Variants in ZNF469 observed in about 807,000 individuals in gnomAD.
The protein encoded by ZNF469 is zinc finger protein 469.
Under a neutral mutation model 1.0 loss-of-function variants are expected in ZNF469, and 1 was observed. The ratio of observed to expected loss-of-function variants is 1.00; its 90% CI spans 0.35 to 4.73. The LOEUF (loss-of-function observed/expected upper bound fraction) is 4.73. Ranked by LOEUF, ZNF469 falls within the 30% of genes most tolerant of loss-of-function variation. The pLI, the probability that ZNF469 is intolerant of heterozygous loss-of-function variation, is 0.16. For missense variants in ZNF469, 6,100 were observed against 5,356.3 expected (o/e 1.14, Z -4.33); for synonymous variants, 2,703 against 2,363.4 (o/e 1.14, Z -4.17).
chr16:88,310,453 T>C, the ZNF469 span, among the ~76,000 whole-genome samples: 1 of 152,156 alleles, frequency 6.6e-6, no homozygotes, highest in Admixed American at 6.5e-5. Context: ...CTGCCCCTTC[T>C]TCCCGGTGGA....
chr16:88,129,434 G>A, the ZNF469 span, among the ~76,000 whole-genome samples: 27,605 of 151,834 alleles, frequency 0.18, 3,123 homozygotes, highest in African/African-American at 0.32. Flanking sequence ...TGCACATACC[G>A]TTTTTTTTGC....
In ZNF469 at chr16:88,428,974, A is replaced by C. The variant is rs1374031199; in HGVS notation, c.1504A>C (p.Ser502Arg). The change falls in exon 3 of 3, where the codon AGC (serine) becomes CGC (arginine). Residue 502 changes from serine (S) to arginine (R), a missense_variant. Transcript: ENST00000565624. ...AAGTCCCCACGGAATGGAGATGCTGAGCCGGCTGCCTTTCCCCGCGGGGGG... is the reference window on the plus strand; with the variant it reads ...AAGTCCCCACGGAATGGAGATGCTGCGCCGGCTGCCTTTCCCCGCGGGGGG... ...RPSPHGMEMLSRLPFPAGGPE... is the reference protein window; with the variant it reads ...RPSPHGMEMLRRLPFPAGGPE... 14 of 1,548,664 alleles carry C rather than the reference A, an allele frequency of 9.0e-6. 1 individual carries two copies. The highest frequency in any genetic ancestry group is 1.7e-4 in the Middle Eastern group (1 of 5,984).
At chr16:88,391,655 G>A (rs961155008) in intron 1 of ZNF469, among the ~76,000 whole-genome samples, 3 of 152,226 alleles carry the variant, frequency 2.0e-5, no homozygotes, top group East Asian at 1.9e-4. Context: ...GACAGGAGGC[G>A]GCGGGGAGCA....
At chr16:88,193,232 GGAT>G in the ZNF469 span, among the ~76,000 whole-genome samples, 2 of 25,432 alleles carry the variant, frequency 7.9e-5, no homozygotes, top group South Asian at 1.3e-3. Context: ...GTGGTGGTGG[GGAT>G]GGTGGTGGTG....
rs184888820 is a variant in ZNF469 at position 88,392,633 on chromosome 16, C to T, written c.-192+9379C>T. 3.1e-3 allele frequency among the ~76,000 whole-genome samples: 479 copies of T among 152,268 alleles called. 2 individuals carry two copies. The highest frequency in any genetic ancestry group is 0.011 in the African/African-American group (459 of 41,542). On this transcript the variant is annotated intron_variant, in intron 1 of 2. Coordinates refer to ENST00000565624, the MANE Select transcript of ZNF469 (RefSeq NM_001367624.2). ...TGATTTTTATGTTGAGCTTTCAGAC[C>T]CTTGTAAAGCCTCATCTCTTTGTCC...
Position 88,423,183 on chromosome 16 carries a change from G to A in ZNF469, c.-191-1624G>A, listed in dbSNP as rs9936278. Among the ~76,000 whole-genome samples the A allele has an allele frequency of 2.6e-3, 28 of 10,934 alleles. 1 individual carries two copies. Among genetic ancestry groups the A allele is most frequent in the South Asian group, 0.011 (1 of 90 alleles). 7.2% of individuals were successfully genotyped at this position (10,934 alleles called of 152,430 possible). A position where few individuals can be genotyped will look rare whatever the true frequency, so the allele number is the denominator to read the frequency against. ...GGATGGATGGGTGGGTGATGGATGGGTGGGTGGATGGATGGATGGGTGGGT... is the reference window on the plus strand; with the variant it reads ...GGATGGATGGGTGGGTGATGGATGGATGGGTGGATGGATGGATGGGTGGGT... On this transcript the variant is annotated intron_variant, in intron 1 of 2. Transcript: ENST00000565624.
Position 88,435,246 on chromosome 16 carries a change from C to T in ZNF469, c.7776C>T (p.Pro2592=), listed in dbSNP as rs1418203508. Residue 2592 remains proline (P), a synonymous_variant, in exon 3 of 3, where the codon CCC becomes CCT. Transcript: ENST00000565624. ...ATGTGAAGACTCCGGCCTCCAAGCC[C>T]AGACCAGACCAGGCCAGGGAAGATG... ...EVDVKTPASK[P]RPDQAREDEL... is the part of the protein sequence containing the mutation. The T allele has an allele frequency of 6.5e-7, 1 of 1,550,376 alleles. No homozygotes were observed. Among genetic ancestry groups the T allele is most frequent in the East Asian group, 2.4e-5 (1 of 40,928 alleles).
At chr16:88,273,960 T>C in the ZNF469 span, among the ~76,000 whole-genome samples, 10 of 152,334 alleles carry the variant, frequency 6.6e-5, no homozygotes, top group East Asian at 1.9e-3. Flanking sequence ...CCTGCCACCA[T>C]GCTCGGCTAA....
the ZNF469 span, among the ~76,000 whole-genome samples, chr16:88,185,872 A>ATATGCACACACACACT: frequency 3.0e-4 from 46 of 151,936 alleles, no homozygotes; most frequent in Non-Finnish European, 5.7e-4. Context: ...TGAATATAGT[A>ATATGCACACACACACT]TATGCACACA....
chr16:88,399,711 C>CA (rs1904799679), intron 1 of ZNF469, among the ~76,000 whole-genome samples: 1 of 152,264 alleles, frequency 6.6e-6, no homozygotes, highest in Non-Finnish European at 1.5e-5. Flanking sequence ...GAGCTGCCCC[C>CA]AGCCTCACTC....
chr16:88,377,096 G>A, the ZNF469 span, among the ~76,000 whole-genome samples: 2 of 152,226 alleles, frequency 1.3e-5, no homozygotes, highest in Non-Finnish European at 2.9e-5. Flanking sequence ...GATGGGACTC[G>A]ACCCAGAGCC....
chr16:88,312,525 A>G, the ZNF469 span, among the ~76,000 whole-genome samples: 1 of 152,196 alleles, frequency 6.6e-6, no homozygotes, highest in Non-Finnish European at 1.5e-5. Flanking sequence ...GTTGGCTTTA[A>G]GACCCTTATT....
chr16:88,251,536 G>GTGTTTTTTTTTTT, the ZNF469 span, among the ~76,000 whole-genome samples: 212 of 78,786 alleles, frequency 2.7e-3, 38 homozygotes, highest in Middle Eastern at 8.1e-3. Context: ...TGTCCCTGCT[G>GTGTTTTTTTTTTT]TCTTTTTTTT....
intron 1 of ZNF469, among the ~76,000 whole-genome samples, chr16:88,395,353 A>G (rs1904629043): frequency 1.3e-5 from 2 of 150,280 alleles, no homozygotes; most frequent in Admixed American, 6.6e-5. Flanking sequence ...GGGTGGATGG[A>G]TGGATGGATG....
the ZNF469 span, chr16:88,302,272 A>G: frequency 9.9e-5 from 15 of 152,216 alleles, no homozygotes; most frequent in African/African-American, 3.6e-4. Context: ...TTATGAAACA[A>G]TTCCACACAA....
rs575336882 is a variant in ZNF469 at position 88,433,592 on chromosome 16, G to A, written c.6122G>A (p.Gly2041Glu). 6.5e-7 allele frequency: 1 copy of A among 1,550,336 alleles called. No individual in the cohort carries two copies. The highest frequency in any genetic ancestry group is 8.7e-7 in the Non-Finnish European group (1 of 1,146,930). The change falls in exon 3 of 3, where the codon GGA (glycine) becomes GAA (glutamate). Residue 2041 changes from glycine to glutamate, a missense_variant. Coordinates refer to ENST00000565624, the MANE Select transcript of ZNF469 (RefSeq NM_001367624.2). ...GCAGTCCTGCTAGAGAAATGCAAGG[G>A]AAGCAGGGCAGCCATGAGCCTTCAG... is the stretch of plus-strand genomic sequence containing the variant. ...EGAVLLEKCK[G>E]SRAAMSLQEE...
chr16:88,122,108 T>A, the ZNF469 span, among the ~76,000 whole-genome samples: 1 of 142,990 alleles, frequency 7.0e-6, no homozygotes, highest in Non-Finnish European at 1.6e-5. Flanking sequence ...CGGATCACAC[T>A]CTGTCACTCA....
At chr16:88,391,036 G>T (rs1405279461) in intron 1 of ZNF469, among the ~76,000 whole-genome samples, 1 of 152,254 alleles carries the variant, frequency 6.6e-6, no homozygotes, top group Admixed American at 6.5e-5. Context: ...TGCTGTCCTG[G>T]CGATGGGACC....
At chr16:88,381,742 A>G (rs765312845), upstream of ZNF469, among the ~76,000 whole-genome samples, 43 of 152,220 alleles carry the variant, frequency 2.8e-4, no homozygotes, top group Non-Finnish European at 5.9e-4. Context: ...TTTCGCGTCC[A>G]CTGGCAGGAA....
Sources: gnomAD v4.1 joint callset for allele counts (sites outside exome capture counted in the v4.1 genomes callset) on GRCh38, gnomAD v4.1.1 for gene constraint, MANE v1.5 for transcripts, NCBI Gene and HGNC (gene_info 2026-07-23, HGNC 2026-07-21) for gene names.